The following CCDC181 variants were observed in gnomAD, a reference collection of about 807,000 sequenced individuals.
CCDC181 encodes the protein coiled-coil domain-containing protein 181.
CCDC181 carries 35 observed loss-of-function variants against 58.7 expected under a neutral mutation model. The ratio of observed to expected loss-of-function variants is 0.60; its 90% CI spans 0.46 to 0.79. The LOEUF (loss-of-function observed/expected upper bound fraction) is 0.79. Ranked by LOEUF, CCDC181 falls within the 30% of genes least tolerant of loss-of-function variation. CCDC181 has a pLI of 0.00. For missense variants in CCDC181, 517 were observed against 583.9 expected, an observed-to-expected ratio of 0.89 and a Z score of 1.18; for synonymous variants, 183 against 197.5, an observed-to-expected ratio of 0.93 and a Z score of 0.62.
At chr1:169,448,524 G>A (rs1214016246) in intron 2 of CCDC181, among the ~76,000 whole-genome samples, 1 of 150,088 alleles carries the variant, frequency 6.7e-6, no homozygotes, top group African/African-American at 2.5e-5. Flanking sequence ...ATTCTTTTTT[G>A]TATGGTTTCT....
intron 3 of CCDC181, 149 bp from the exon 4 acceptor site, chr1:169,419,308 G>A (rs192527685): frequency 2.5e-5 from 24 of 963,382 alleles, no homozygotes; most frequent in East Asian, 1.6e-4. Flanking sequence ...GGCCAGACAC[G>A]GTGGCTCATG....
At chr1:169,442,845 A>T (rs1350997675) in intron 2 of CCDC181, 1 of 152,020 alleles carries the variant, frequency 6.6e-6, no homozygotes, top group Non-Finnish European at 1.5e-5. Context: ...TAGAATCAGA[A>T]GTGTCAGGGT....
At chr1:169,396,640 C>A (rs952786121) in intron 5 of CCDC181, 1 of 152,074 alleles carries the variant, frequency 6.6e-6, no homozygotes, top group African/African-American at 2.4e-5. Flanking sequence ...ACATTTGGTC[C>A]CCCAACTCTC....
chr1:169,440,963 C>T lies in CCDC181; in HGVS notation c.-23-16013G>A, dbSNP rs566128182. Among the ~76,000 whole-genome samples, 152 of 108,568 alleles carry T rather than the reference C, an allele frequency of 1.4e-3. 5 individuals carry two copies. Among genetic ancestry groups the T allele is most frequent in the African/African-American group, 5.8e-3 (150 of 26,086 alleles). The allele number at this position is 108,568 out of a possible 152,430, so 71.2% of individuals were successfully genotyped here. A position where few individuals can be genotyped will look rare whatever the true frequency, so the allele number is the denominator to read the frequency against. ...AAAAAAAAGGCAAGATGAGGTATGGCGTAACATGAAATCTATTTTTTATTG... is the reference window on the plus strand; with the variant it reads ...AAAAAAAAGGCAAGATGAGGTATGGTGTAACATGAAATCTATTTTTTATTG... On this transcript the variant is annotated intron_variant, in intron 2 of 6. Transcript: ENST00000545005.
intron 2 of CCDC181, among the ~76,000 whole-genome samples, chr1:169,445,800 T>G (rs1002794174): frequency 2.0e-5 from 3 of 152,160 alleles, no homozygotes; most frequent in Non-Finnish European, 4.4e-5. Flanking sequence ...TTAGTGACAC[T>G]ATTTTTTTTA....
chr1:169,424,705 T>C, intron 2 of CCDC181, 106 bp downstream of exon 2: 1 of 656,370 alleles, frequency 1.5e-6, no homozygotes, highest in South Asian at 2.2e-5. Context: ...CCAATGTAGA[T>C]CAAAGAAATT....
At chr1:169,429,583 T>C (rs1656851469), upstream of CCDC181, among the ~76,000 whole-genome samples, 1 of 152,244 alleles carries the variant, frequency 6.6e-6, no homozygotes, top group Non-Finnish European at 1.5e-5. Flanking sequence ...CATCTCTTTA[T>C]TGGCCATTTG....
At chr1:169,440,377 G>T (rs1457981018) in intron 2 of CCDC181, among the ~76,000 whole-genome samples, 1 of 152,204 alleles carries the variant, frequency 6.6e-6, no homozygotes, top group Non-Finnish European at 1.5e-5. Flanking sequence ...CCTAGACAGA[G>T]CCTGATTTAT....
At chr1:169,422,386 C>A in intron 2 of CCDC181, 73 bp from the exon 3 acceptor site, 1 of 1,086,202 alleles carries the variant, frequency 9.2e-7, no homozygotes. Flanking sequence ...TGGGATTTTT[C>A]CTGTTCATGT....
At chr1:169,417,876 G>A (rs1358758577) in intron 4 of CCDC181, among the ~76,000 whole-genome samples, 3 of 152,122 alleles carry the variant, frequency 2.0e-5, no homozygotes, top group Non-Finnish European at 2.9e-5. Flanking sequence ...TAGGAGCTGT[G>A]TGCCAAAAAC....
chr1:169,444,100 TAA>T (rs1657307657), intron 2 of CCDC181, among the ~76,000 whole-genome samples: 1 of 152,158 alleles, frequency 6.6e-6, no homozygotes, highest in Non-Finnish European at 1.5e-5. Flanking sequence ...ATGCTAACCC[TAA>T]GTTTGCTCAG....
Position 169,421,358 on chromosome 1 carries a change from C to T in CCDC181, c.1068+5G>A, listed in dbSNP as rs1418665694. On this transcript the variant is annotated splice_donor_5th_base_variant and intron_variant, in intron 3 of 5. Transcript: ENST00000367806. ...TTTTAATATAATGCCCACTTAGGTT[C>T]TCACCTCTCTTTTCAGTTTTTCTCT... The T allele has an allele frequency of 6.3e-7, 1 of 1,591,076 alleles. No homozygotes were observed. Among genetic ancestry groups the T allele is most frequent in the East Asian group, 2.2e-5 (1 of 44,754 alleles).
intron 1 of CCDC181, 147 bp from the exon 2 acceptor site, chr1:169,425,097 A>G: frequency 4.8e-6 from 2 of 418,936 alleles, no homozygotes; most frequent in East Asian, 7.0e-5. Flanking sequence ...ATACACCATG[A>G]AAGAGAGATC....
chr1:169,423,078 T>TA (rs11438602), intron 2 of CCDC181, among the ~76,000 whole-genome samples: 77,446 of 146,846 alleles, frequency 0.53, 21,262 homozygotes, highest in Non-Finnish European at 0.59. Flanking sequence ...TATATATATA[T>TA]TTTTTCTCTT....
intron 2 of CCDC181, among the ~76,000 whole-genome samples, chr1:169,450,129 G>A (rs753631463): frequency 2.8e-4 from 43 of 152,260 alleles, no homozygotes; most frequent in Non-Finnish European, 5.1e-4. Flanking sequence ...TTTTACAAGT[G>A]TTTCTTAGGT....
At chr1:169,455,871 T>G (rs1000101747) in intron 2 of CCDC181, among the ~76,000 whole-genome samples, 2 of 152,140 alleles carry the variant, frequency 1.3e-5, no homozygotes, top group Non-Finnish European at 2.9e-5. Flanking sequence ...AAAATATGTG[T>G]TTTTAGAGCT....
intron 2 of CCDC181, among the ~76,000 whole-genome samples, chr1:169,423,168 CCTCCTTCATTTG>C (rs1272294363): frequency 6.6e-6 from 1 of 151,472 alleles, no homozygotes; most frequent in Non-Finnish European, 1.5e-5. Flanking sequence ...AAATCACTTT[CCTCCTTCATTTG>C]CTCATAGGTC....
intron 4 of CCDC181, chr1:169,418,717 T>G (rs1023889883): frequency 2.6e-5 from 10 of 389,100 alleles, no homozygotes; most frequent in South Asian, 1.7e-4. Context: ...TGTGGGGGGG[T>G]GTGTGTGTAT....
intron 2 of CCDC181, among the ~76,000 whole-genome samples, chr1:169,445,801 A>G (rs748102668): frequency 1.3e-5 from 2 of 151,856 alleles, no homozygotes; most frequent in Admixed American, 6.6e-5. Context: ...TAGTGACACT[A>G]TTTTTTTTAA....
Sources: allele counts gnomAD v4.1 joint callset (sites outside exome capture counted in the v4.1 genomes callset), GRCh38; gene constraint gnomAD v4.1.1; transcripts MANE v1.5; gene names NCBI Gene and HGNC (gene_info 2026-07-23, HGNC 2026-07-21).